RNF125: variants seen among roughly 807,000 people sequenced by gnomAD.
RNF125 encodes the protein E3 ubiquitin-protein ligase RNF125.
In RNF125, 21 loss-of-function variants were observed where a neutral mutation model predicts 26.0. That is an observed-to-expected ratio of 0.81 (90% CI 0.57 to 1.16). The LOEUF is 1.16. Ranked by LOEUF, RNF125 falls within the 50% of genes most tolerant of loss-of-function variation. The pLI, the probability that RNF125 is intolerant of heterozygous loss-of-function variation, is 0.00. For missense variants in RNF125, 270 were observed against 299.4 expected, an observed-to-expected ratio of 0.90 and a Z score of 0.72; for synonymous variants, 95 against 109.2, an observed-to-expected ratio of 0.87 and a Z score of 0.81.
At chr18:32,081,259 A>C in the RNF125 span, among the ~76,000 whole-genome samples, 1 of 152,272 alleles carries the variant, frequency 6.6e-6, no homozygotes, top group African/African-American at 2.4e-5. Flanking sequence ...ACAAAGAAAA[A>C]AACAACAAAC....
chr18:32,079,143 T>TA, the RNF125 span, among the ~76,000 whole-genome samples: 2 of 152,104 alleles, frequency 1.3e-5, no homozygotes, highest in East Asian at 1.9e-4. Context: ...CAGGCTACAA[T>TA]AAAAAAATAC....
chr18:32,019,407 C>T (rs1048174210), intron 1 of RNF125, among the ~76,000 whole-genome samples: 1 of 152,078 alleles, frequency 6.6e-6, no homozygotes, highest in African/African-American at 2.4e-5. Flanking sequence ...CGAGCTCCAG[C>T]TACAAGGCAG....
the RNF125 span, among the ~76,000 whole-genome samples, chr18:32,084,041 T>C: frequency 6.6e-6 from 1 of 151,544 alleles, no homozygotes; most frequent in Non-Finnish European, 1.5e-5. Context: ...AGCTTCAAAT[T>C]TAAATGTTTC....
downstream of RNF125, among the ~76,000 whole-genome samples, chr18:32,076,593 G>T (rs1239978705): frequency 2.6e-5 from 4 of 152,100 alleles, no homozygotes; most frequent in Non-Finnish European, 5.9e-5. Flanking sequence ...TTACAGGTGT[G>T]AGCCAACACG....
chr18:32,049,392 C>G (rs1456555034), intron 4 of RNF125, among the ~76,000 whole-genome samples: 2 of 152,136 alleles, frequency 1.3e-5, no homozygotes, highest in African/African-American at 4.8e-5. Context: ...GCCTTTTTCA[C>G]AAGTAGTAAA....
At chr18:32,080,671 TATAG>T in the RNF125 span, among the ~76,000 whole-genome samples, 1 of 152,036 alleles carries the variant, frequency 6.6e-6, no homozygotes, top group Non-Finnish European at 1.5e-5. Flanking sequence ...ACAAGGTGAC[TATAG>T]ATAACGCTAC....
At chr18:32,035,339 T>G (rs2039142370) in intron 1 of RNF125, among the ~76,000 whole-genome samples, 1 of 152,018 alleles carries the variant, frequency 6.6e-6, no homozygotes, top group South Asian at 2.1e-4. Context: ...GAATCAGTCA[T>G]GATCCAAGCC....
chr18:32,031,863 A>G (rs964585163), intron 1 of RNF125, among the ~76,000 whole-genome samples: 2 of 152,170 alleles, frequency 1.3e-5, no homozygotes, highest in African/African-American at 4.8e-5. Context: ...TTTGGGTCAG[A>G]AAACCCCAGC....
At chr18:32,023,478 C>T (rs917567015) in intron 1 of RNF125, among the ~76,000 whole-genome samples, 26 of 152,046 alleles carry the variant, frequency 1.7e-4, no homozygotes, top group African/African-American at 4.6e-4. Context: ...CTTTACATAC[C>T]GCAAGGTCAG....
Position 32,038,043 on chromosome 18 carries a change from ATTTTTTTTTTT to A in RNF125, c.318+787_318+797del, listed in dbSNP as rs35226765. On this transcript the variant is annotated intron_variant, in intron 2 of 5. Coordinates refer to ENST00000217740, the MANE Select transcript of RNF125 (RefSeq NM_017831.4). ...ACCACTCACTCTTTGGGTCCGTGCC[ATTTTTTTTTTT>A]TTTTTTTTTTTTGAGACAGAGTCTT... 3.1e-3 allele frequency among the ~76,000 whole-genome samples: 321 copies of A among 103,376 alleles called. 3 individuals carry two copies. The South Asian group carries it at 0.039, about 13-fold the overall frequency. The allele number at this position is 103,376 out of a possible 152,430, so 67.8% of individuals were successfully genotyped here.
At chr18:32,077,326 CT>C (rs201415299), downstream of RNF125, among the ~76,000 whole-genome samples, 5,541 of 146,062 alleles carry the variant, frequency 0.038, 132 homozygotes, top group Middle Eastern at 0.065. Flanking sequence ...ATAGCAACCC[CT>C]CTCCCCATTT....
chr18:32,033,837 A>C (rs1598811623), intron 1 of RNF125, among the ~76,000 whole-genome samples: 1 of 151,992 alleles, frequency 6.6e-6, no homozygotes, highest in East Asian at 1.9e-4. Flanking sequence ...CAAACAAACA[A>C]ACAAAAAAGT....
intron 5 of RNF125, among the ~76,000 whole-genome samples, chr18:32,067,430 T>C (rs1380232820): frequency 6.6e-6 from 1 of 152,258 alleles, no homozygotes; most frequent in South Asian, 2.1e-4. Context: ...CACAGCCATA[T>C]TCTTGGGTAG....
At chr18:32,061,274 T>C (rs2039432621) in intron 4 of RNF125, among the ~76,000 whole-genome samples, 1 of 151,968 alleles carries the variant, frequency 6.6e-6, no homozygotes, top group African/African-American at 2.4e-5. Flanking sequence ...TCCGCCCACC[T>C]TGCCCTCCCA....
chr18:32,024,322 TA>T (rs1486148838), intron 1 of RNF125, among the ~76,000 whole-genome samples: 2 of 148,200 alleles, frequency 1.3e-5, no homozygotes, highest in Non-Finnish European at 3.0e-5. Flanking sequence ...GCCTCCTGAG[TA>T]GCTGGGATTA....
intron 4 of RNF125, among the ~76,000 whole-genome samples, chr18:32,064,114 C>A (rs1054514707): frequency 1.3e-5 from 2 of 151,980 alleles, no homozygotes; most frequent in East Asian, 3.9e-4. Flanking sequence ...GCTGCCTCAG[C>A]CTCTGGAGTA....
intron 3 of RNF125, among the ~76,000 whole-genome samples, chr18:32,043,081 A>G (rs2039235890): frequency 6.6e-6 from 1 of 152,012 alleles, no homozygotes; most frequent in Middle Eastern, 3.2e-3. Context: ...TCTGGGAGGC[A>G]GAGGTTGCAG....
the RNF125 span, among the ~76,000 whole-genome samples, chr18:32,085,952 C>A: frequency 2.6e-5 from 4 of 152,052 alleles, no homozygotes; most frequent in Non-Finnish European, 4.4e-5. Context: ...ACCAAAGAAC[C>A]CACTGAGAAT....
At chr18:32,065,381 G>A (rs1274299649) in intron 4 of RNF125, among the ~76,000 whole-genome samples, 1 of 152,086 alleles carries the variant, frequency 6.6e-6, no homozygotes, top group Non-Finnish European at 1.5e-5. Flanking sequence ...GGCATTACAG[G>A]CATCTGCCAC....
Sources: gnomAD v4.1 joint callset for allele counts (sites outside exome capture counted in the v4.1 genomes callset) on GRCh38, gnomAD v4.1.1 for gene constraint, MANE v1.5 for transcripts, NCBI Gene and HGNC (gene_info 2026-07-23, HGNC 2026-07-21) for gene names.